AGBL4: variants seen among roughly 807,000 people sequenced by gnomAD.
The protein encoded by AGBL4 is cytosolic carboxypeptidase 6.
Under a neutral mutation model 66.4 loss-of-function variants are expected in AGBL4, and 58 were observed. The ratio of observed to expected loss-of-function variants is 0.87; its 90% CI spans 0.71 to 1.09. AGBL4 has a LOEUF of 1.09. Among genes scored for constraint, AGBL4 ranks in the 50% least tolerant of loss-of-function variants. The pLI is 0.00. For missense variants in AGBL4, 579 were observed against 631.0 expected (o/e 0.92, Z 0.88); for synonymous variants, 234 against 222.9 (o/e 1.05, Z -0.44).
At chr1:49,545,084 G>A (rs1236127499) in intron 3 of AGBL4, among the ~76,000 whole-genome samples, 1 of 152,142 alleles carries the variant, frequency 6.6e-6, no homozygotes, top group Non-Finnish European at 1.5e-5. Context: ...TCCAATAGGT[G>A]TGAATAAAAC....
At chr1:49,596,810 T>C (rs751924221) in intron 3 of AGBL4, among the ~76,000 whole-genome samples, 1 of 152,186 alleles carries the variant, frequency 6.6e-6, no homozygotes, top group Non-Finnish European at 1.5e-5. Flanking sequence ...CCATTTTCAT[T>C]AATACCAGAC....
chr1:48,593,708 G>C (rs185982778), intron 9 of AGBL4, among the ~76,000 whole-genome samples: 1 of 152,002 alleles, frequency 6.6e-6, no homozygotes, highest in Non-Finnish European at 1.5e-5. Flanking sequence ...CCGAGATCAC[G>C]CCATTGCACT....
intron 6 of AGBL4, among the ~76,000 whole-genome samples, chr1:48,720,109 G>T (rs1647120463): frequency 6.6e-6 from 1 of 152,168 alleles, no homozygotes; most frequent in Non-Finnish European, 1.5e-5. Flanking sequence ...AGGCTTCTAG[G>T]GAGAGGTCCA....
intron 3 of AGBL4, among the ~76,000 whole-genome samples, chr1:49,478,816 G>A (rs950180664): frequency 6.6e-6 from 1 of 151,894 alleles, no homozygotes; most frequent in Non-Finnish European, 1.5e-5. Context: ...GACATAAATA[G>A]AAATAACAAA....
intron 3 of AGBL4, among the ~76,000 whole-genome samples, chr1:49,522,993 T>A (rs1032406348): frequency 6.6e-6 from 1 of 151,962 alleles, no homozygotes; most frequent in Non-Finnish European, 1.5e-5. Flanking sequence ...ATTTCAGGGG[T>A]GCATAGCAAT....
intron 2 of AGBL4, among the ~76,000 whole-genome samples, chr1:49,749,446 T>C (rs1354023226): frequency 6.6e-6 from 1 of 152,168 alleles, no homozygotes; most frequent in Admixed American, 6.6e-5. Flanking sequence ...GAAATAATAC[T>C]AAAACTTTCC....
intron 3 of AGBL4, among the ~76,000 whole-genome samples, chr1:49,588,643 G>A (rs1204130237): frequency 1.1e-4 from 17 of 152,228 alleles, no homozygotes; most frequent in Admixed American, 6.5e-5. Flanking sequence ...ATCCTGGTTC[G>A]TTCTCTTATA....
intron 1 of AGBL4, among the ~76,000 whole-genome samples, chr1:49,957,135 C>T (rs1656674146): frequency 6.6e-6 from 1 of 151,790 alleles, no homozygotes; most frequent in Non-Finnish European, 1.5e-5. Context: ...CTAGAATGGG[C>T]ACAGTGGAAA....
chr1:48,993,882 G>A (rs1660801704), intron 5 of AGBL4, among the ~76,000 whole-genome samples: 2 of 152,136 alleles, frequency 1.3e-5, no homozygotes, highest in Admixed American at 6.5e-5. Context: ...GGTGGCATCA[G>A]CAATTCAAGA....
At chr1:49,273,105 C>G (rs1323308442) in intron 3 of AGBL4, among the ~76,000 whole-genome samples, 1 of 152,094 alleles carries the variant, frequency 6.6e-6, no homozygotes, top group Admixed American at 6.6e-5. Flanking sequence ...GTGGCTATGG[C>G]AAGGCTGGGG....
At position 49,224,841 on chromosome 1, in the gene AGBL4, G is replaced by A. The variant is rs188822026; in HGVS notation, c.377+20929C>T. On this transcript the variant is annotated intron_variant, in intron 4 of 13. Coordinates refer to ENST00000371839, the MANE Select transcript of AGBL4 (RefSeq NM_032785.4). ...TAAAAAAGGAGTCAAAGGAGAAAGT[G>A]GGGTTGGGATAAGTTGACAGTAAAT... 4.3e-4 allele frequency among the ~76,000 whole-genome samples: 65 copies of A among 152,200 alleles called. 2 individuals are homozygous for A. The East Asian group carries it at 9.8e-3, about 23-fold the overall frequency.
At chr1:49,650,027 T>C (rs1362091494) in intron 3 of AGBL4, among the ~76,000 whole-genome samples, 1 of 152,162 alleles carries the variant, frequency 6.6e-6, no homozygotes, top group Non-Finnish European at 1.5e-5. Flanking sequence ...AAGGCATATA[T>C]TGCTAAATAA....
At chr1:48,923,546 C>T (rs2148894587) in intron 5 of AGBL4, among the ~76,000 whole-genome samples, 1 of 152,292 alleles carries the variant, frequency 6.6e-6, no homozygotes, top group Middle Eastern at 3.4e-3. Flanking sequence ...TTCAACTCTT[C>T]AAGATTTATG....
At chr1:49,391,101 G>A (rs1644835832) in intron 3 of AGBL4, among the ~76,000 whole-genome samples, 1 of 152,148 alleles carries the variant, frequency 6.6e-6, no homozygotes, top group Non-Finnish European at 1.5e-5. Context: ...CAAAGTTATG[G>A]ACATAGAGCA....
intron 2 of AGBL4, among the ~76,000 whole-genome samples, chr1:49,829,647 G>A (rs937839851): frequency 1.1e-4 from 16 of 151,950 alleles, no homozygotes; most frequent in Admixed American, 2.6e-4. Flanking sequence ...TTTAAGTTCC[G>A]GAAAACATGT....
chr1:49,251,254 G>C (rs1652036280), intron 3 of AGBL4, among the ~76,000 whole-genome samples: 1 of 152,166 alleles, frequency 6.6e-6, no homozygotes. Flanking sequence ...CCATACTGCA[G>C]CTTCCCCTCG....
rs373176701 is a variant in AGBL4 at position 49,580,857 on chromosome 1, C to A, written c.282+116456G>T. Among the ~76,000 whole-genome samples, 52 of 151,976 alleles carry A rather than the reference C, an allele frequency of 3.4e-4. 1 individual carries two copies. In the South Asian group the frequency reaches 9.6e-3, roughly 28 times the overall value. ...TATGCCACAATAAAGTCCTTTTTGC[C>A]CTGTGTTTCCCTAAAAATTGTTGTG... On this transcript the variant is annotated intron_variant, in intron 3 of 13. Coordinates refer to ENST00000371839, the MANE Select transcript of AGBL4 (RefSeq NM_032785.4).
At chr1:49,738,951 G>A (rs554287559) in intron 2 of AGBL4, among the ~76,000 whole-genome samples, 1 of 152,236 alleles carries the variant, frequency 6.6e-6, no homozygotes, top group East Asian at 1.9e-4. Flanking sequence ...CACAAAGATG[G>A]GGAAAAAACA....
chr1:49,614,308 T>C (rs1409460057), intron 3 of AGBL4, among the ~76,000 whole-genome samples: 3 of 152,168 alleles, frequency 2.0e-5, no homozygotes, highest in Non-Finnish European at 4.4e-5. Context: ...TCATATGGTA[T>C]ATACTCTTTT....
Sources: allele counts gnomAD v4.1 joint callset (sites outside exome capture counted in the v4.1 genomes callset), GRCh38; gene constraint gnomAD v4.1.1; transcripts MANE v1.5; gene names NCBI Gene and HGNC (gene_info 2026-07-23, HGNC 2026-07-21).